The following NECAB1 variants were observed in gnomAD, a reference collection of about 807,000 sequenced individuals.
NECAB1 encodes N-terminal EF-hand calcium binding protein 1.
NECAB1 carries 29 observed loss-of-function variants against 57.5 expected under a neutral mutation model. That is an observed-to-expected ratio of 0.50 (90% confidence interval 0.38 to 0.69). The LOEUF is 0.69. Among genes scored for constraint, NECAB1 ranks in the 30% least tolerant of loss-of-function variants. The pLI is 0.00. For synonymous variants in NECAB1, 142 were observed against 147.7 expected (o/e 0.96, Z 0.28); for missense variants, 372 against 413.8 (o/e 0.90, Z 0.88).
intron 2 of NECAB1, among the ~76,000 whole-genome samples, chr8:90,806,255 C>T (rs201612756): frequency 1.3e-5 from 2 of 152,244 alleles, no homozygotes; most frequent in East Asian, 3.9e-4. Flanking sequence ...TATAGTTCTC[C>T]TCAGGACTTT....
At chr8:90,816,606 C>A (rs376904367) in intron 2 of NECAB1, among the ~76,000 whole-genome samples, 13 of 151,846 alleles carry the variant, frequency 8.6e-5, no homozygotes, top group Admixed American at 7.2e-4. Flanking sequence ...CATTGAAGTG[C>A]CTTTTCTCCT....
intron 6 of NECAB1, among the ~76,000 whole-genome samples, chr8:90,923,152 T>C (rs1343252316): frequency 6.6e-6 from 1 of 152,028 alleles, no homozygotes; most frequent in Non-Finnish European, 1.5e-5. Context: ...AGGGTGAAGG[T>C]AGGGCTGATA....
At chr8:90,937,828 C>A (rs552421824) in intron 9 of NECAB1, among the ~76,000 whole-genome samples, 35 of 152,300 alleles carry the variant, frequency 2.3e-4, no homozygotes, top group African/African-American at 8.2e-4. Context: ...TGCCTCTCTA[C>A]ACCCATATAA....
chr8:90,793,765 T>G (rs936626460), intron 1 of NECAB1, among the ~76,000 whole-genome samples: 1 of 152,198 alleles, frequency 6.6e-6, no homozygotes. Flanking sequence ...CTGTGCTTTT[T>G]AAAAAGCACT....
chr8:90,818,838 C>G (rs543283073), intron 2 of NECAB1, among the ~76,000 whole-genome samples: 2 of 152,056 alleles, frequency 1.3e-5, no homozygotes, highest in African/African-American at 4.8e-5. Context: ...TTGCCCTGTA[C>G]TCTCTTTCTT....
At chr8:90,951,247 T>TTTTG (rs757377232) in intron 12 of NECAB1, 43 bp downstream of exon 12, 12 of 1,186,166 alleles carry the variant, frequency 1.0e-5, no homozygotes, top group Non-Finnish European at 1.5e-5. Flanking sequence ...CCTTTTGTAT[T>TTTTG]TTTGTTTGTT....
intron 9 of NECAB1, among the ~76,000 whole-genome samples, chr8:90,939,938 T>C (rs1469622489): frequency 1.3e-5 from 2 of 152,254 alleles, no homozygotes; most frequent in African/African-American, 4.8e-5. Context: ...CCTTACCTTG[T>C]GTTTTGTTTT....
In NECAB1 at chr8:90,958,982, C is replaced by T. The variant is rs1811083488; in HGVS notation, c.*3470C>T. The T allele has an allele frequency of 7.9e-6, 11 of 1,393,108 alleles. No homozygotes were observed. Among genetic ancestry groups the T allele is most frequent in the African/African-American group, 1.5e-5 (1 of 68,386 alleles). 86.3% of individuals were successfully genotyped at this position (1,393,108 alleles called of 1,614,324 possible). On this transcript the variant is annotated 3_prime_UTR_variant, in exon 13 of 13. Coordinates refer to ENST00000417640, the MANE Select transcript of NECAB1 (RefSeq NM_022351.5). ...TCCACCTCATTTGCAGATGTCCAAACTTAAATTCATCTGTTCTTAAAATGC... is the reference window on the plus strand; with the variant it reads ...TCCACCTCATTTGCAGATGTCCAAATTTAAATTCATCTGTTCTTAAAATGC...
intron 2 of NECAB1, among the ~76,000 whole-genome samples, chr8:90,809,898 A>G (rs1008290500): frequency 2.0e-5 from 3 of 152,242 alleles, no homozygotes; most frequent in Admixed American, 2.0e-4. Context: ...AGACTTTACA[A>G]GAAAATATTA....
intron 2 of NECAB1, among the ~76,000 whole-genome samples, chr8:90,821,949 C>A (rs943588337): frequency 2.0e-5 from 3 of 151,746 alleles, no homozygotes; most frequent in Admixed American, 6.6e-5. Context: ...CACTCTGCTG[C>A]CTCCATCTCA....
At chr8:90,949,706 T>G in intron 10 of NECAB1, 101 bp from the exon 11 acceptor site, 1 of 521,358 alleles carries the variant, frequency 1.9e-6, no homozygotes, top group South Asian at 4.0e-5. Flanking sequence ...GTTTCCTCTA[T>G]TAATGGATAA....
At chr8:90,947,664 G>A (rs1810844002) in intron 10 of NECAB1, among the ~76,000 whole-genome samples, 2 of 152,216 alleles carry the variant, frequency 1.3e-5, no homozygotes, top group East Asian at 1.9e-4. Flanking sequence ...GCCTCCCAAA[G>A]TGCTGGGATT....
At chr8:90,808,647 T>C (rs1418980238) in intron 2 of NECAB1, among the ~76,000 whole-genome samples, 12 of 137,644 alleles carry the variant, frequency 8.7e-5, no homozygotes, top group Non-Finnish European at 1.2e-4. Flanking sequence ...TTTCTTTTTT[T>C]TTTTTTTTTT....
At chr8:90,846,720 GA>G (rs1430514345) in intron 3 of NECAB1, among the ~76,000 whole-genome samples, 1 of 152,250 alleles carries the variant, frequency 6.6e-6, no homozygotes, top group Non-Finnish European at 1.5e-5. Context: ...GAAGGCAAAA[GA>G]GGAGCAAGTC....
intron 5 of NECAB1, among the ~76,000 whole-genome samples, chr8:90,909,896 T>A (rs1393632632): frequency 6.6e-6 from 1 of 152,138 alleles, no homozygotes; most frequent in Admixed American, 6.6e-5. Flanking sequence ...TTTTCCTTTG[T>A]TAGTTTCTAT....
intron 3 of NECAB1, among the ~76,000 whole-genome samples, chr8:90,857,396 A>G (rs566016795): frequency 2.0e-5 from 3 of 152,308 alleles, no homozygotes; most frequent in African/African-American, 7.2e-5. Context: ...TATTTTAAGA[A>G]CTAAAACAGA....
At chr8:90,943,440 C>G (rs192766592) in intron 10 of NECAB1, among the ~76,000 whole-genome samples, 4 of 152,214 alleles carry the variant, frequency 2.6e-5, no homozygotes, top group Non-Finnish European at 4.4e-5. Context: ...ATCACTACAC[C>G]CATATGGAAT....
intron 5 of NECAB1, among the ~76,000 whole-genome samples, chr8:90,894,123 A>G (rs1809264131): frequency 6.6e-6 from 1 of 152,204 alleles, no homozygotes; most frequent in African/African-American, 2.4e-5. Context: ...CACATATAGC[A>G]TAAATATCAT....
chr8:90,927,291 C>T (rs1401436534), intron 7 of NECAB1, among the ~76,000 whole-genome samples: 1 of 146,572 alleles, frequency 6.8e-6, no homozygotes, highest in Non-Finnish European at 1.5e-5. Context: ...AAGGTGCTTC[C>T]TCCAAGAAGG....
Sources: gnomAD v4.1 joint callset for allele counts (sites outside exome capture counted in the v4.1 genomes callset) on GRCh38, gnomAD v4.1.1 for gene constraint, MANE v1.5 for transcripts, NCBI Gene and HGNC (gene_info 2026-07-23, HGNC 2026-07-21) for gene names.